Variants in ZSWIM4 observed in about 807,000 individuals in gnomAD.
ZSWIM4 encodes the protein zinc finger SWIM-type containing 4.
Under a neutral mutation model 102.5 loss-of-function variants are expected in ZSWIM4, and 62 were observed. The observed-to-expected ratio is 0.60, with a 90% CI of 0.49 to 0.75. ZSWIM4 has a LOEUF of 0.75. Ranked by LOEUF, ZSWIM4 falls within the 30% of genes least tolerant of loss-of-function variation. The pLI, the probability that ZSWIM4 is intolerant of heterozygous loss-of-function variation, is 0.00. For synonymous variants in ZSWIM4, 652 were observed against 674.5 expected (o/e 0.97, Z 0.52); for missense variants, 1,280 against 1,529.6 (o/e 0.84, Z 2.72).
chr19:13,817,392 C>T (rs1354330196), intron 8 of ZSWIM4, 39 bp downstream of exon 8: 3 of 1,593,040 alleles, frequency 1.9e-6, no homozygotes, highest in East Asian at 4.5e-5. Flanking sequence ...GTGGGACAAC[C>T]CCGCCTCGTT....
In ZSWIM4 at chr19:13,815,807, C is replaced by T. The variant is rs145957704; in HGVS notation, c.1531+942C>T. On this transcript the variant is annotated intron_variant, in intron 7 of 13. Coordinates refer to ENST00000590508, the MANE Select transcript of ZSWIM4 (RefSeq NM_001367834.3). ...TTTTAAAATTAGCCAGGCGTGGTGG[C>T]GCACACCTGTATTTCCAGCTACTAG... 9.2e-5 allele frequency among the ~76,000 whole-genome samples: 14 copies of T among 151,776 alleles called. No individual in the cohort carries two copies. In the East Asian group the frequency reaches 1.8e-3, roughly 19 times the overall value.
rs963357876 is a variant in ZSWIM4 at position 13,814,883 on chromosome 19, A to G, written c.1531+18A>G. 3.3e-6 allele frequency: 4 copies of G among 1,216,096 alleles called. No individual in the cohort carries two copies. The highest frequency in any genetic ancestry group is 4.2e-6 in the Non-Finnish European group (4 of 942,012). 75.3% of individuals were successfully genotyped at this position (1,216,096 alleles called of 1,614,324 possible). A position where few individuals can be genotyped will look rare whatever the true frequency, so the allele number is the denominator to read the frequency against. ...GAAAAAAGGTCAGCCTCAGCCGGGC[A>G]CGGGGGCTCGCACCTGTGATCCCAG... On this transcript the variant is annotated intron_variant, in intron 7 of 13. Coordinates refer to ENST00000590508, the MANE Select transcript of ZSWIM4 (RefSeq NM_001367834.3).
At chr19:13,826,184 T>A (rs1362078534) in intron 12 of ZSWIM4, among the ~76,000 whole-genome samples, 1 of 151,912 alleles carries the variant, frequency 6.6e-6, no homozygotes, top group Non-Finnish European at 1.5e-5. Flanking sequence ...GAGACTGAGG[T>A]CTAGGGGAGA....
chr19:13,824,127 G>A (rs1317018398), intron 11 of ZSWIM4, among the ~76,000 whole-genome samples: 1 of 151,682 alleles, frequency 6.6e-6, no homozygotes, highest in Non-Finnish European at 1.5e-5. Context: ...AGAGAGAGGA[G>A]TCAGGTGCCA....
At chr19:13,829,750 A>G (rs1257040547) in intron 13 of ZSWIM4, among the ~76,000 whole-genome samples, 2 of 151,452 alleles carry the variant, frequency 1.3e-5, no homozygotes, top group African/African-American at 4.9e-5. Context: ...GCGTGAACCC[A>G]GGAGGCGGAG....
In ZSWIM4 at chr19:13,830,153, C is replaced by A; in HGVS notation, c.2462-38C>A. 2.5e-6 allele frequency: 4 copies of A among 1,587,102 alleles called. No individual in the cohort carries two copies. In the South Asian group the frequency reaches 4.5e-5, roughly 18 times the overall value. ...CGCATACATGTACGTGTGTCTGCCC[C>A]CGCTCCTGACGGATTTCCCTCCCTC... is the stretch of plus-strand genomic sequence containing the variant. On this transcript the variant is annotated intron_variant, in intron 13 of 13. Coordinates refer to ENST00000590508, the MANE Select transcript of ZSWIM4 (RefSeq NM_001367834.3).
intron 2 of ZSWIM4, among the ~76,000 whole-genome samples, chr19:13,802,195 CT>C (rs1252807096): frequency 6.6e-6 from 1 of 151,078 alleles, no homozygotes; most frequent in Non-Finnish European, 1.5e-5. Context: ...CCAGGATAGT[CT>C]CGATCTCCTG....
At chr19:13,807,603 G>GATGA (rs1179733980) in intron 3 of ZSWIM4, among the ~76,000 whole-genome samples, 76 of 151,760 alleles carry the variant, frequency 5.0e-4, no homozygotes, top group Admixed American at 5.0e-3. Context: ...TGGATGGATG[G>GATGA]ATGGATGGAT....
At chr19:13,813,507 A>T (rs1412706468) in intron 6 of ZSWIM4, among the ~76,000 whole-genome samples, 1 of 152,004 alleles carries the variant, frequency 6.6e-6, no homozygotes, top group Non-Finnish European at 1.5e-5. Context: ...AAAGTGAGAT[A>T]TTGAGGAGAG....
At position 13,830,706 on chromosome 19, in the gene ZSWIM4, G is replaced by T; in HGVS notation, c.2977G>T (p.Ala993Ser). ...VPLIIRSIHCAPMLSDILRRW... is the reference protein window; with the variant it reads ...VPLIIRSIHCSPMLSDILRRW... ...CCTCATCATTCGCAGCATCCACTGT[G>T]CCCCAATGCTGTCCGATATTCTGCG... Residue 993 changes from alanine to serine, a missense_variant, in exon 14 of 14, where the codon GCC (alanine) becomes TCC (serine). Physicochemically the swap from Ala to Ser is moderately conservative, Grantham distance 99. Transcript: ENST00000590508. The T allele has an allele frequency of 1.2e-6, 2 of 1,607,718 alleles. No individual in the cohort carries two copies. The highest frequency in any genetic ancestry group is 1.7e-6 in the Non-Finnish European group (2 of 1,178,926).
Position 13,814,614 on chromosome 19 carries a change from T to C in ZSWIM4, c.1280T>C (p.Leu427Pro). The part of the protein sequence containing the change: ...AGELHWNDAY[L>P]QRILASDSYG... ...GAGCTACACTGGAATGACGCCTACCTGCAGAGGATCCTGGCCAGTGACTCC... is the reference window on the plus strand; with the variant it reads ...GAGCTACACTGGAATGACGCCTACCCGCAGAGGATCCTGGCCAGTGACTCC... The change falls in exon 7 of 14, where the codon CTG becomes CCG. Residue 427 changes from leucine (L) to proline (P), a missense_variant. Coordinates refer to ENST00000590508, the MANE Select transcript of ZSWIM4 (RefSeq NM_001367834.3). 8.0e-7 allele frequency: 1 copy of C among 1,246,512 alleles called. No homozygotes were observed. Among genetic ancestry groups the C allele is most frequent in the African/African-American group, 1.5e-5 (1 of 65,076 alleles). 77.2% of individuals were successfully genotyped at this position (1,246,512 alleles called of 1,614,324 possible). A position where few individuals can be genotyped will look rare whatever the true frequency, so the allele number is the denominator to read the frequency against.
chr19:13,823,986 C>T (rs775858752), intron 11 of ZSWIM4, among the ~76,000 whole-genome samples: 45 of 151,724 alleles, frequency 3.0e-4, no homozygotes, highest in Non-Finnish European at 2.8e-4. Flanking sequence ...AGCTTACAGA[C>T]GGCCACCTTC....
At position 13,831,144 on chromosome 19, in the gene ZSWIM4, T is replaced by C. The variant is rs1481253509; in HGVS notation, c.*94T>C. 6 of 1,476,018 alleles carry C rather than the reference T, an allele frequency of 4.1e-6. No homozygotes were observed. The highest frequency in any genetic ancestry group is 4.5e-6 in the Non-Finnish European group (5 of 1,113,970). The allele number at this position is 1,476,018 out of a possible 1,614,324, so 91.4% of individuals were successfully genotyped here. A position where few individuals can be genotyped will look rare whatever the true frequency, so the allele number is the denominator to read the frequency against. On this transcript the variant is annotated 3_prime_UTR_variant, in exon 14 of 14. Coordinates refer to ENST00000590508, the MANE Select transcript of ZSWIM4 (RefSeq NM_001367834.3). Reference sequence around the variant, plus strand: ...AGGCCCACGTGGCATTTCAGTATTATTAAGTCAGGGAAGGAGCCCGGCTGG... The same window carrying C: ...AGGCCCACGTGGCATTTCAGTATTACTAAGTCAGGGAAGGAGCCCGGCTGG...
At chr19:13,811,632 G>C (rs1025562775) in intron 5 of ZSWIM4, among the ~76,000 whole-genome samples, 1 of 152,148 alleles carries the variant, frequency 6.6e-6, no homozygotes, top group Non-Finnish European at 1.5e-5. Flanking sequence ...CCAGGAGTTC[G>C]AGTGCAGCTT....
chr19:13,811,277 G>C (rs1599594478), intron 5 of ZSWIM4, among the ~76,000 whole-genome samples: 2 of 152,266 alleles, frequency 1.3e-5, no homozygotes, highest in East Asian at 3.9e-4. Context: ...TCTGGTCTCT[G>C]TCATGAAGAC....
chr19:13,827,434 C>G (rs1975638250), intron 12 of ZSWIM4, among the ~76,000 whole-genome samples: 1 of 151,282 alleles, frequency 6.6e-6, no homozygotes, highest in Non-Finnish European at 1.5e-5. Context: ...AAACCCGTCT[C>G]TCCCAAAAAT....
chr19:13,821,618 C>T (rs1438314667), intron 10 of ZSWIM4, among the ~76,000 whole-genome samples: 1 of 152,160 alleles, frequency 6.6e-6, no homozygotes, highest in African/African-American at 2.4e-5. Context: ...AGGATCATAG[C>T]TCTTCACAGC....
chr19:13,828,344 G>A (rs775381391), intron 12 of ZSWIM4, among the ~76,000 whole-genome samples: 3 of 151,940 alleles, frequency 2.0e-5, no homozygotes, highest in Non-Finnish European at 2.9e-5. Context: ...GGAGGCGGAG[G>A]TTGTAGTGAG....
intron 10 of ZSWIM4, among the ~76,000 whole-genome samples, chr19:13,821,513 C>T (rs1975461148): frequency 1.3e-5 from 2 of 152,146 alleles, no homozygotes; most frequent in African/African-American, 4.8e-5. Flanking sequence ...CCACTGCACG[C>T]CAGCCTGGGC....
Sources: gnomAD v4.1 joint callset for allele counts (sites outside exome capture counted in the v4.1 genomes callset) on GRCh38, gnomAD v4.1.1 for gene constraint, MANE v1.5 for transcripts, NCBI Gene and HGNC (gene_info 2026-07-23, HGNC 2026-07-21) for gene names.